GABRB2: variants seen among roughly 807,000 people sequenced by gnomAD.
The protein encoded by GABRB2 is gamma-aminobutyric acid receptor subunit beta-2.
Under a neutral mutation model 54.7 loss-of-function variants are expected in GABRB2, and 16 were observed. The observed-to-expected ratio is 0.29, with a 90% CI of 0.20 to 0.44. The LOEUF (loss-of-function observed/expected upper bound fraction) is 0.44, where lower values mean the gene tolerates loss of function less well. Among genes scored for constraint, GABRB2 ranks in the 20% least tolerant of loss-of-function variants. The pLI, the probability that GABRB2 is intolerant of heterozygous loss-of-function variation, is 1.00. For missense variants in GABRB2, 355 were observed against 644.0 expected, an observed-to-expected ratio of 0.55 and a Z score of 4.86; for synonymous variants, 244 against 233.8, an observed-to-expected ratio of 1.04 and a Z score of -0.40.
chr5:161,440,062 C>CAA (rs61152845), intron 4 of GABRB2, among the ~76,000 whole-genome samples: 16 of 77,154 alleles, frequency 2.1e-4, no homozygotes, highest in Non-Finnish European at 3.4e-4. Flanking sequence ...AACCTCAAAC[C>CAA]AAAAAAAAAA....
At chr5:161,319,069 T>A (rs1758129194) in intron 9 of GABRB2, among the ~76,000 whole-genome samples, 1 of 151,648 alleles carries the variant, frequency 6.6e-6, no homozygotes, top group South Asian at 2.1e-4. Context: ...AAGAGTAAAA[T>A]TATTTCTTAT....
chr5:161,521,075 T>C (rs951311273), intron 3 of GABRB2, among the ~76,000 whole-genome samples: 2 of 152,060 alleles, frequency 1.3e-5, no homozygotes, highest in African/African-American at 4.8e-5. Flanking sequence ...GACAATTTCC[T>C]ATGGACGGGC....
intron 3 of GABRB2, among the ~76,000 whole-genome samples, chr5:161,514,939 T>C (rs1232869389): frequency 6.6e-6 from 1 of 152,192 alleles, no homozygotes; most frequent in Non-Finnish European, 1.5e-5. Context: ...TGAGAAAATG[T>C]ATGTGAACCC....
intron 4 of GABRB2, among the ~76,000 whole-genome samples, chr5:161,447,798 G>C (rs987884136): frequency 1.3e-5 from 2 of 152,138 alleles, no homozygotes; most frequent in Admixed American, 1.3e-4. Context: ...ACTTCCATAG[G>C]TTGTGTAATT....
chr5:161,428,288 CGT>C (rs71302909), intron 4 of GABRB2, among the ~76,000 whole-genome samples: 19,282 of 144,688 alleles, frequency 0.13, 1,380 homozygotes, highest in Middle Eastern at 0.23. Context: ...CAGAGAGTTA[CGT>C]GTGTGTGTGT....
At chr5:161,524,978 A>G (rs927928784) in intron 3 of GABRB2, among the ~76,000 whole-genome samples, 1 of 151,358 alleles carries the variant, frequency 6.6e-6, no homozygotes, top group African/African-American at 2.4e-5. Flanking sequence ...TATGGCTTTC[A>G]TTTCTTGTTT....
chr5:161,424,612 T>C (rs187973526), intron 4 of GABRB2, among the ~76,000 whole-genome samples: 18 of 152,254 alleles, frequency 1.2e-4, no homozygotes, highest in Non-Finnish European at 1.6e-4. Flanking sequence ...TTACCCTTCA[T>C]TGACAATGCA....
chr5:161,466,224 A>C (rs983178421), intron 3 of GABRB2, among the ~76,000 whole-genome samples: 2 of 152,128 alleles, frequency 1.3e-5, no homozygotes, highest in Non-Finnish European at 2.9e-5. Context: ...TAAAGTGTAC[A>C]TAATGTCAAA....
intron 8 of GABRB2, chr5:161,329,390 G>A (rs1422601764): frequency 6.7e-5 from 10 of 148,418 alleles, no homozygotes; most frequent in African/African-American, 2.5e-4. Context: ...AACCTTGGGT[G>A]TGGGAAAGAA....
In GABRB2 at chr5:161,316,572, T is replaced by C. The variant is rs116352566; in HGVS notation, c.1191+9796A>G. ...TTTTTCTCTTCCTTGTCTTTTTTCC[T>C]TTCTTTCTTTGTTTCTCCCTCTTAT... On this transcript the variant is annotated intron_variant, in intron 9 of 9. Coordinates refer to ENST00000393959, the MANE Select transcript of GABRB2 (RefSeq NM_001371727.1). Among the ~76,000 whole-genome samples the C allele has an allele frequency of 4.5e-3, 683 of 152,280 alleles. 2 individuals are homozygous for C. Among genetic ancestry groups the C allele is most frequent in the African/African-American group, 0.016 (658 of 41,538 alleles).
chr5:161,497,530 ATGTGTGTG>A (rs71587162), intron 3 of GABRB2, among the ~76,000 whole-genome samples: 2 of 147,286 alleles, frequency 1.4e-5, no homozygotes, highest in Admixed American at 6.8e-5. Flanking sequence ...GTGTGTGTAT[ATGTGTGTG>A]TGTGTGTGTG....
intron 3 of GABRB2, among the ~76,000 whole-genome samples, chr5:161,493,662 T>C (rs1759141726): frequency 6.6e-6 from 1 of 151,766 alleles, no homozygotes; most frequent in African/African-American, 2.4e-5. Flanking sequence ...GTGTATATTT[T>C]AAAAATTATG....
At chr5:161,410,507 C>T (rs1756478741) in intron 5 of GABRB2, among the ~76,000 whole-genome samples, 2 of 151,910 alleles carry the variant, frequency 1.3e-5, no homozygotes. Context: ...CAACAGAAAA[C>T]ATTCTATAAA....
At chr5:161,487,958 T>C (rs1283089938) in intron 3 of GABRB2, among the ~76,000 whole-genome samples, 1 of 151,458 alleles carries the variant, frequency 6.6e-6, no homozygotes, top group Non-Finnish European at 1.5e-5. Context: ...TGTCATAGGC[T>C]AAACATCCCT....
chr5:161,331,428 G>C (rs1395687106), intron 7 of GABRB2, among the ~76,000 whole-genome samples: 1 of 152,138 alleles, frequency 6.6e-6, no homozygotes, highest in Non-Finnish European at 1.5e-5. Context: ...TAAGGTAAGA[G>C]TTCAGAATAT....
intron 8 of GABRB2, chr5:161,330,617 C>A: frequency 2.4e-6 from 1 of 419,680 alleles, no homozygotes; most frequent in South Asian, 3.9e-5. Flanking sequence ...ATTATAGGTA[C>A]TATACTCAAT....
chr5:161,470,780 G>T (rs143023057), intron 3 of GABRB2, among the ~76,000 whole-genome samples: 26 of 151,812 alleles, frequency 1.7e-4, no homozygotes, highest in African/African-American at 5.3e-4. Flanking sequence ...GTTGACCACC[G>T]GTAACTTAAA....
intron 9 of GABRB2, among the ~76,000 whole-genome samples, chr5:161,304,060 G>T (rs989987862): frequency 3.3e-5 from 5 of 152,130 alleles, no homozygotes; most frequent in Non-Finnish European, 7.3e-5. Flanking sequence ...TTACTGAGAG[G>T]GCTAGAGTAA....
chr5:161,437,539 T>A (rs921780316), intron 4 of GABRB2, among the ~76,000 whole-genome samples: 4 of 151,996 alleles, frequency 2.6e-5, no homozygotes, highest in African/African-American at 9.7e-5. Context: ...CCTTTGAATC[T>A]TGCTGGCGTC....
Sources: gnomAD v4.1 joint callset for allele counts (sites outside exome capture counted in the v4.1 genomes callset) on GRCh38, gnomAD v4.1.1 for gene constraint, MANE v1.5 for transcripts, NCBI Gene and HGNC (gene_info 2026-07-23, HGNC 2026-07-21) for gene names.